The following USP3 variants were observed in gnomAD, a reference collection of about 807,000 sequenced individuals.
USP3 encodes the protein ubiquitin specific peptidase 3.
In USP3, 20 loss-of-function variants were observed where a neutral mutation model predicts 72.3. That is an observed-to-expected ratio of 0.28 (90% CI 0.19 to 0.40). USP3 has a LOEUF of 0.40. USP3 is among the 10% of genes least tolerant of loss of function. The probability of loss-of-function intolerance (pLI) is 1.00; values close to 1 mark genes in which losing one functional copy is unlikely to be tolerated. For missense variants in USP3, 479 were observed against 633.9 expected, an observed-to-expected ratio of 0.76 and a Z score of 2.62; for synonymous variants, 222 against 225.3, an observed-to-expected ratio of 0.99 and a Z score of 0.13.
At chr15:63,584,492 AAGT>A (rs2067022928) in intron 11 of USP3, among the ~76,000 whole-genome samples, 1 of 152,146 alleles carries the variant, frequency 6.6e-6, no homozygotes, top group Non-Finnish European at 1.5e-5. Flanking sequence ...AGTAACTGTG[AAGT>A]AGTATCTCAC....
At chr15:63,530,866 A>G (rs1330519869) in intron 1 of USP3, among the ~76,000 whole-genome samples, 1 of 152,190 alleles carries the variant, frequency 6.6e-6, no homozygotes, top group Admixed American at 6.5e-5. Flanking sequence ...CTCCCTCACA[A>G]TAAGTCTTCC....
chr15:63,549,685 A>G (rs1279208988), intron 3 of USP3, among the ~76,000 whole-genome samples: 3 of 152,240 alleles, frequency 2.0e-5, no homozygotes, highest in Non-Finnish European at 4.4e-5. Flanking sequence ...TAGCTAGGTC[A>G]TGAATAAGCT....
chr15:63,548,338 TG>T (rs202244035), intron 3 of USP3, among the ~76,000 whole-genome samples: 26 of 150,690 alleles, frequency 1.7e-4, no homozygotes, highest in African/African-American at 5.9e-4. Flanking sequence ...TTGTTTTTTT[TG>T]GGGGGGGACA....
At chr15:63,562,271 G>A (rs1430577493) in intron 7 of USP3, among the ~76,000 whole-genome samples, 3 of 152,232 alleles carry the variant, frequency 2.0e-5, no homozygotes, top group African/African-American at 7.2e-5. Flanking sequence ...TGCGAGAAGA[G>A]TGTGGATATT....
chr15:63,589,381 T>A (rs2067140272), intron 14 of USP3, among the ~76,000 whole-genome samples: 1 of 152,242 alleles, frequency 6.6e-6, no homozygotes, highest in Non-Finnish European at 1.5e-5. Context: ...TAAGTCTTGT[T>A]AAAAAACATT....
Position 63,570,718 on chromosome 15 carries a change from AC to A in USP3, c.908+142del. ...ACTTTTCGTGCCCTTGAACTTTGTG[AC>A]CCAGTGAACTAGCACATACCTCTTG... On this transcript the variant is annotated intron_variant, in intron 9 of 14. Coordinates refer to ENST00000380324, the MANE Select transcript of USP3 (RefSeq NM_006537.4). The surrounding 1 kb of genome is among the most constrained non-coding windows in gnomAD (Gnocchi z 4.4). The A allele has an allele frequency of 2.5e-6, 3 of 1,219,594 alleles. No individual in the cohort carries two copies. The highest frequency in any genetic ancestry group is 3.4e-6 in the Non-Finnish European group (3 of 889,638). The allele number at this position is 1,219,594 out of a possible 1,614,324, so 75.5% of individuals were successfully genotyped here. A position where few individuals can be genotyped will look rare whatever the true frequency, so the allele number is the denominator to read the frequency against.
intron 3 of USP3, chr15:63,542,135 T>C (rs921704922): frequency 7.1e-6 from 7 of 984,992 alleles, no homozygotes; most frequent in Non-Finnish European, 8.4e-6. Context: ...TTGAGTAACT[T>C]CAATAGCACT....
intron 1 of USP3, among the ~76,000 whole-genome samples, chr15:63,509,273 T>C (rs887564892): frequency 7.2e-5 from 11 of 152,200 alleles, no homozygotes; most frequent in African/African-American, 2.7e-4. Flanking sequence ...ATTAAGTGCC[T>C]AATACTTAAT....
chr15:63,589,500 A>G (rs1205520955), intron 14 of USP3, among the ~76,000 whole-genome samples: 1 of 152,198 alleles, frequency 6.6e-6, no homozygotes, highest in Non-Finnish European at 1.5e-5. Flanking sequence ...GCAGACGACT[A>G]TCCATGTTGA....
chr15:63,511,266 TAAA>T lies in USP3; in HGVS notation c.91+6450_91+6452del, dbSNP rs61283920. Among the ~76,000 whole-genome samples, 25 of 42,862 alleles carry T rather than the reference TAAA, an allele frequency of 5.8e-4. No individual in the cohort carries two copies. In the East Asian group the frequency reaches 6.4e-3, roughly 11 times the overall value. 28.1% of individuals were successfully genotyped at this position (42,862 alleles called of 152,430 possible). A position where few individuals can be genotyped will look rare whatever the true frequency, so the allele number is the denominator to read the frequency against. ...TTCAGACTTTTAGCTTGCTTTTTCT[TAAA>T]AAAAAAAAAAAAAGAGTCTTTATTT... On this transcript the variant is annotated intron_variant, in intron 1 of 14. Coordinates refer to ENST00000380324, the MANE Select transcript of USP3 (RefSeq NM_006537.4).
rs566413179 is a variant in USP3 at position 63,562,328 on chromosome 15, C to T, written c.648-567C>T. The stretch of plus-strand genomic sequence containing the variant: ...GAGAGCAGTAGATGCTGGAGCCGGT[C>T]AGTGCACATAGAGGTGAAAGTGACA... On this transcript the variant is annotated intron_variant, in intron 7 of 14. Coordinates refer to ENST00000380324, the MANE Select transcript of USP3 (RefSeq NM_006537.4). Among the ~76,000 whole-genome samples, 4 of 152,224 alleles carry T rather than the reference C, an allele frequency of 2.6e-5. No homozygotes were observed. In the South Asian group the frequency reaches 8.3e-4, roughly 32 times the overall value.
intron 11 of USP3, among the ~76,000 whole-genome samples, chr15:63,579,820 A>G (rs1373349377): frequency 6.6e-6 from 1 of 152,202 alleles, no homozygotes; most frequent in Non-Finnish European, 1.5e-5. Flanking sequence ...TGATCATTAT[A>G]ACATCTAAAA....
rs1044307425 is a variant in USP3 at position 63,550,033 on chromosome 15, C to T, written c.285-3682C>T. 5.9e-5 allele frequency among the ~76,000 whole-genome samples: 9 copies of T among 152,326 alleles called. No individual in the cohort carries two copies. The South Asian group carries it at 1.0e-3, about 18-fold the overall frequency. ...GAACAATTTTTGGGTCTTTTTGAGA[C>T]GTAGTCTAGCTCTTTTGCCAGGCTG... On this transcript the variant is annotated intron_variant, in intron 3 of 14. Coordinates refer to ENST00000380324, the MANE Select transcript of USP3 (RefSeq NM_006537.4).
intron 11 of USP3, among the ~76,000 whole-genome samples, chr15:63,586,187 GCTTTAGCTAAAACTTCCAA>G (rs1284002774): frequency 6.6e-6 from 1 of 152,088 alleles, no homozygotes; most frequent in African/African-American, 2.4e-5. Flanking sequence ...TTGCCTGATT[GCTTTAGCTAAAACTTCCAA>G]TATTATGTTG....
At chr15:63,547,790 G>C (rs1486880297) in intron 3 of USP3, among the ~76,000 whole-genome samples, 1 of 104,532 alleles carries the variant, frequency 9.6e-6, no homozygotes, top group African/African-American at 3.8e-5. Flanking sequence ...GAGAGAGAGA[G>C]AGAGAGAGAG....
Position 63,529,784 on chromosome 15 carries a change from C to T in USP3, c.92-2863C>T, listed in dbSNP as rs565257990. On this transcript the variant is annotated intron_variant, in intron 1 of 14. Coordinates refer to ENST00000380324, the MANE Select transcript of USP3 (RefSeq NM_006537.4). The surrounding 1 kb of genome is among the most constrained non-coding windows in gnomAD (Gnocchi z 4.2). ...TGCTCCAGATTTCTTTTTCCTCGTA[C>T]AAAGGAGGGACAAAAATCCTCCATA... Among the ~76,000 whole-genome samples, 72 of 152,252 alleles carry T rather than the reference C, an allele frequency of 4.7e-4. 4 individuals carry two copies. In the South Asian group the frequency reaches 0.014, roughly 31 times the overall value.
rs757920588 is a variant in USP3, at chr15:63,589,009, C to T, written c.1395C>T (p.Ser465=). 226 of 1,613,128 alleles carry T rather than the reference C, an allele frequency of 1.4e-4. No homozygotes were observed. In the Admixed American group the frequency reaches 1.6e-3, roughly 11 times the overall value. ...DLAAVVVHHG[S]GVGSGHYTAY... is the part of the protein sequence containing the mutation. ...CCGCTGTGGTGGTGCACCATGGTTC[C>T]GGGTGAGTACAACAGCCAGCTTCTG... The change falls in exon 14 of 15, where the codon TCC becomes TCT. Residue 465 remains serine, a splice_region_variant and synonymous_variant. Coordinates refer to ENST00000380324, the MANE Select transcript of USP3 (RefSeq NM_006537.4).
Position 63,504,728 on chromosome 15 carries a change from C to G in USP3, c.-12C>G. On this transcript the variant is annotated 5_prime_UTR_variant, in exon 1 of 15. Transcript: ENST00000380324. Reference sequence around the variant, plus strand: ...TGGAGCCGCAGTCCTCCCAGCTGCCCTCCTCGTGGCCATGGAGTGTCCACA... The same window carrying G: ...TGGAGCCGCAGTCCTCCCAGCTGCCGTCCTCGTGGCCATGGAGTGTCCACA... 6.3e-7 allele frequency: 1 copy of G among 1,599,546 alleles called. No homozygotes were observed. Among genetic ancestry groups the G allele is most frequent in the Non-Finnish European group, 8.5e-7 (1 of 1,173,178 alleles).
intron 14 of USP3, 37 bp downstream of exon 14, chr15:63,589,048 C>T (rs1350700670): frequency 6.2e-7 from 1 of 1,610,182 alleles, no homozygotes; most frequent in Non-Finnish European, 8.5e-7. Context: ...GGTGGGAATA[C>T]CTGGTGGCCA....
Sources: allele counts gnomAD v4.1 joint callset (sites outside exome capture counted in the v4.1 genomes callset), GRCh38; gene constraint gnomAD v4.1.1; non-coding constraint Gnocchi (gnomAD v3.1); transcripts MANE v1.5; gene names NCBI Gene and HGNC (gene_info 2026-07-23, HGNC 2026-07-21).